AFG1L: variants seen among roughly 807,000 people sequenced by gnomAD.
The protein encoded by AFG1L is AFG1 like ATPase, also known as AFG1-like ATPase.
AFG1L carries 53 observed loss-of-function variants against 62.2 expected under a neutral mutation model. The observed-to-expected ratio is 0.85, with a 90% CI of 0.68 to 1.07. The LOEUF is 1.07. AFG1L is among the 50% of genes least tolerant of loss of function. The pLI is 0.00. For missense variants in AFG1L, 555 were observed against 590.5 expected (o/e 0.94, Z 0.62); for synonymous variants, 228 against 210.3 (o/e 1.08, Z -0.73).
chr6:108,522,154 G>C (rs1255082746), intron 12 of AFG1L, 143 bp from the exon 13 acceptor site: 1 of 605,392 alleles, frequency 1.7e-6, no homozygotes. Flanking sequence ...TCTCATTTAA[G>C]AGATTGTATA....
At chr6:108,443,775 T>C (rs1238421541) in intron 7 of AFG1L, among the ~76,000 whole-genome samples, 1 of 151,834 alleles carries the variant, frequency 6.6e-6, no homozygotes, top group Non-Finnish European at 1.5e-5. Context: ...CTTGGGAGGC[T>C]GAGGCATGAA....
In AFG1L at chr6:108,321,653, G is replaced by A. The variant is rs1406190485; in HGVS notation, c.140-2172G>A. On this transcript the variant is annotated intron_variant, in intron 1 of 12. Transcript: ENST00000368977. ...ATATATTTCTTATTATGCCACACTGGCAAATATCTCAAATTGCCGGGAACA... is the reference window on the plus strand; with the variant it reads ...ATATATTTCTTATTATGCCACACTGACAAATATCTCAAATTGCCGGGAACA... 4.6e-5 allele frequency among the ~76,000 whole-genome samples: 7 copies of A among 152,338 alleles called. No homozygotes were observed. In the South Asian group the frequency reaches 1.5e-3, roughly 32 times the overall value.
At chr6:108,473,188 AT>A (rs529116332) in intron 8 of AFG1L, among the ~76,000 whole-genome samples, 333 of 152,360 alleles carry the variant, frequency 2.2e-3, no homozygotes, top group African/African-American at 7.7e-3. Flanking sequence ...AACAAAAATA[AT>A]TTTGTGATAT....
chr6:108,477,288 A>G lies in AFG1L; in HGVS notation c.1058A>G (p.Glu353Gly). 2.5e-6 allele frequency: 4 copies of G among 1,596,454 alleles called. No individual in the cohort carries two copies. Among genetic ancestry groups the G allele is most frequent in the Non-Finnish European group, 3.4e-6 (4 of 1,168,064 alleles). ...VADCTFEELC[E>G]RPLGASDYLE... ...GACTGCACATTTGAAGAGCTGTGTG[A>G]GAGAGTAAGTATCCAGGCACGTCCA... The change falls in exon 10 of 13, where the codon GAG becomes GGG. Residue 353 changes from glutamate to glycine, a missense_variant. By Grantham distance (98) the Glu-to-Gly change is moderately conservative (BLOSUM62 -2). Coordinates refer to ENST00000368977, the MANE Select transcript of AFG1L (RefSeq NM_145315.5).
chr6:108,519,426 A>T (rs1038496205), intron 11 of AFG1L, among the ~76,000 whole-genome samples: 3 of 152,246 alleles, frequency 2.0e-5, no homozygotes, highest in African/African-American at 7.2e-5. Context: ...TCTTGAGCTG[A>T]GTCCTCTCCA....
intron 5 of AFG1L, among the ~76,000 whole-genome samples, chr6:108,358,874 A>G (rs940242604): frequency 1.3e-5 from 2 of 152,214 alleles, no homozygotes; most frequent in African/African-American, 2.4e-5. Context: ...TTGGAAGGCA[A>G]GACTAAGAAG....
At chr6:108,490,694 A>G (rs1773741508) in intron 10 of AFG1L, among the ~76,000 whole-genome samples, 1 of 152,318 alleles carries the variant, frequency 6.6e-6, no homozygotes, top group African/African-American at 2.4e-5. Flanking sequence ...TTTGCAATGC[A>G]CTTCTTAATC....
At chr6:108,327,827 C>T (rs1778114461) in intron 2 of AFG1L, among the ~76,000 whole-genome samples, 1 of 152,204 alleles carries the variant, frequency 6.6e-6, no homozygotes, top group Non-Finnish European at 1.5e-5. Context: ...GAGTAAGGAT[C>T]TCATAGGCCA....
At chr6:108,432,166 G>T (rs1771104778) in intron 7 of AFG1L, among the ~76,000 whole-genome samples, 1 of 151,932 alleles carries the variant, frequency 6.6e-6, no homozygotes, top group Non-Finnish European at 1.5e-5. Context: ...TCCTCAAAAA[G>T]ATAAAAATGT....
chr6:108,437,163 T>A (rs901633081), intron 7 of AFG1L, among the ~76,000 whole-genome samples: 2 of 152,198 alleles, frequency 1.3e-5, no homozygotes, highest in Non-Finnish European at 2.9e-5. Flanking sequence ...CACTGGAGAT[T>A]AGGTTTCAAC....
chr6:108,455,495 A>G (rs781688940), intron 8 of AFG1L, among the ~76,000 whole-genome samples: 9 of 151,966 alleles, frequency 5.9e-5, no homozygotes, highest in Admixed American at 2.0e-4. Context: ...CTATATCCTT[A>G]ATTTCTGAAC....
chr6:108,319,925 G>C (rs893549753), intron 1 of AFG1L: 2 of 176,948 alleles, frequency 1.1e-5, no homozygotes, highest in Non-Finnish European at 2.5e-5. Context: ...GAGGCTGTTG[G>C]GAAATAGGGG....
intron 7 of AFG1L, among the ~76,000 whole-genome samples, chr6:108,443,302 A>G (rs1771623791): frequency 6.6e-6 from 1 of 152,168 alleles, no homozygotes; most frequent in Non-Finnish European, 1.5e-5. Flanking sequence ...CTCACAGCAT[A>G]GTAGCCTCCA....
chr6:108,419,634 C>CT (rs1447056152), intron 7 of AFG1L, among the ~76,000 whole-genome samples: 1 of 152,002 alleles, frequency 6.6e-6, no homozygotes, highest in African/African-American at 2.4e-5. Context: ...CAATTTTGTT[C>CT]TTATTATTGC....
chr6:108,522,333 G>A lies in AFG1L; in HGVS notation c.1354G>A (p.Glu452Lys). The A allele has an allele frequency of 6.2e-7, 1 of 1,613,844 alleles. No individual in the cohort carries two copies. Among genetic ancestry groups the A allele is most frequent in the Non-Finnish European group, 8.5e-7 (1 of 1,179,846 alleles). ...AEGLSMFTGE[E>K]EIFAFQRTIS... ...AGGACTCTCCATGTTTACCGGAGAA[G>A]AGGAAATCTTTGCATTTCAGCGCAC... The change falls in exon 13 of 13, where the codon GAG (glutamate) becomes AAG (lysine). Residue 452 changes from glutamate to lysine, a missense_variant. Physicochemically the swap from Glu to Lys is moderately conservative, Grantham distance 56. Transcript: ENST00000368977.
At position 108,506,352 on chromosome 6, in the gene AFG1L, C is replaced by T. The variant is rs901897959; in HGVS notation, c.1063-3860C>T. On this transcript the variant is annotated intron_variant, in intron 10 of 12. Transcript: ENST00000368977. ...CCTCCTGAGTAGCTGCAACTACAGGCGCATACCACCACACCTGGCTAACTT... is the reference window on the plus strand; with the variant it reads ...CCTCCTGAGTAGCTGCAACTACAGGTGCATACCACCACACCTGGCTAACTT... Among the ~76,000 whole-genome samples, 8 of 152,218 alleles carry T rather than the reference C, an allele frequency of 5.3e-5. No individual in the cohort carries two copies. In the East Asian group the frequency reaches 9.6e-4, roughly 18 times the overall value.
chr6:108,378,563 G>A (rs1780351225), intron 6 of AFG1L, among the ~76,000 whole-genome samples: 1 of 151,878 alleles, frequency 6.6e-6, no homozygotes. Context: ...AGGTGATCTG[G>A]CCACCTTGGC....
chr6:108,491,839 G>A (rs1773788341), intron 10 of AFG1L, among the ~76,000 whole-genome samples: 2 of 152,174 alleles, frequency 1.3e-5, no homozygotes. Flanking sequence ...GATTTGGAAA[G>A]CAGAAGAGTG....
chr6:108,369,718 C>T (rs564365680), intron 6 of AFG1L, among the ~76,000 whole-genome samples: 64 of 152,196 alleles, frequency 4.2e-4, no homozygotes, highest in African/African-American at 1.5e-3. Flanking sequence ...AAGCAGTTCT[C>T]CTGCCCCAGT....
Sources: allele counts gnomAD v4.1 joint callset (sites outside exome capture counted in the v4.1 genomes callset), GRCh38; gene constraint gnomAD v4.1.1; transcripts MANE v1.5; gene names NCBI Gene and HGNC (gene_info 2026-07-23, HGNC 2026-07-21).